Variants in STAM observed in about 807,000 individuals in gnomAD.
STAM encodes the protein signal transducing adapter molecule 1.
A neutral mutation model predicts 63.4 loss-of-function variants in STAM; 16 were observed. The ratio of observed to expected loss-of-function variants is 0.25; its 90% CI spans 0.17 to 0.38. STAM has a LOEUF of 0.38. Ranked by LOEUF, STAM falls within the 10% of genes least tolerant of loss-of-function variation. The pLI is 1.00. For synonymous variants in STAM, 238 were observed against 223.9 expected (o/e 1.06, Z -0.56); for missense variants, 636 against 657.1 (o/e 0.97, Z 0.35).
rs1283400694 is a variant in STAM, at chr10:17,716,313, A to AG, written c.*1536dup. On this transcript the variant is annotated 3_prime_UTR_variant, in exon 14 of 14. Transcript: ENST00000377524. The stretch of plus-strand genomic sequence containing the variant: ...ATTAAATCTTTAGCCAGTAATCTTA[A>AG]GGGTGACTAATTTCACAGACTCAGA... Among the ~76,000 whole-genome samples, 1 of 151,780 alleles carries AG rather than the reference A, an allele frequency of 6.6e-6. No individual in the cohort carries two copies. Among genetic ancestry groups the AG allele is most frequent in the Non-Finnish European group, 1.5e-5 (1 of 67,902 alleles).
chr10:17,712,724 C>T (rs1328153389), intron 13 of STAM, among the ~76,000 whole-genome samples: 2 of 152,244 alleles, frequency 1.3e-5, no homozygotes, highest in Non-Finnish European at 2.9e-5. Flanking sequence ...ACAGTGGAAA[C>T]GCATGTATTC....
chr10:17,670,187 G>A (rs556919825), intron 2 of STAM, among the ~76,000 whole-genome samples: 143 of 152,260 alleles, frequency 9.4e-4, no homozygotes, highest in African/African-American at 3.3e-3. Flanking sequence ...AATGGGATCC[G>A]ATGCGAGCTG....
intron 1 of STAM, among the ~76,000 whole-genome samples, chr10:17,658,367 GTGAATGCTGCA>G (rs1375295573): frequency 6.6e-6 from 1 of 152,096 alleles, no homozygotes; most frequent in Non-Finnish European, 1.5e-5. Flanking sequence ...GTCTGTCTTG[GTGAATGCTGCA>G]TGAGAGCTTG....
chr10:17,697,439 C>G (rs1337598365), intron 8 of STAM, among the ~76,000 whole-genome samples: 1 of 152,142 alleles, frequency 6.6e-6, no homozygotes, highest in Non-Finnish European at 1.5e-5. Context: ...CAGTGTTCTC[C>G]AAGCAACATG....
At position 17,715,770 on chromosome 10, in the gene STAM, G is replaced by C. The variant is rs530223350; in HGVS notation, c.*990G>C. The C allele has an allele frequency of 6.6e-6, 1 of 152,546 alleles. No individual in the cohort carries two copies. The highest frequency in any genetic ancestry group is 1.5e-5 in the Non-Finnish European group (1 of 68,004). The allele number at this position is 152,546 out of a possible 1,614,324, so 9.4% of individuals were successfully genotyped here. Reference sequence around the variant, plus strand: ...AAAACCTGAATTACACTACATTTTCGAAGTCTCTTGTAATTATTTGGGATA... The same window carrying C: ...AAAACCTGAATTACACTACATTTTCCAAGTCTCTTGTAATTATTTGGGATA... On this transcript the variant is annotated 3_prime_UTR_variant, in exon 14 of 14. Coordinates refer to ENST00000377524, the MANE Select transcript of STAM (RefSeq NM_003473.4).
intron 2 of STAM, among the ~76,000 whole-genome samples, chr10:17,665,446 T>C (rs2131591444): frequency 6.6e-6 from 1 of 152,294 alleles, no homozygotes. Context: ...TCCATTCTTT[T>C]ACACAAATGT....
Position 17,714,760 on chromosome 10 carries a change from T to C in STAM, c.1603T>C (p.Ser535Pro), listed in dbSNP as rs370852062. ...GCCACCTCAGCCACAGCAACCATAT[T>C]CTCAGAAGGCTCTGCTATAGGACCC... The part of the protein sequence containing the change: ...QQPPQPQQPY[S>P]QKALL The change falls in exon 14 of 14, where the codon TCT (serine) becomes CCT (proline). Residue 535 changes from serine (S) to proline (P), a missense_variant. Physicochemically the swap from Ser to Pro is moderately conservative, Grantham distance 74. This residue lies in a region of STAM where 532 missense variants were observed against 536.9 expected (regional missense o/e 0.99). Coordinates refer to ENST00000377524, the MANE Select transcript of STAM (RefSeq NM_003473.4). 1.2e-5 allele frequency: 20 copies of C among 1,613,814 alleles called. No homozygotes were observed. In the African/African-American group the frequency reaches 2.7e-4, roughly 22 times the overall value.
intron 2 of STAM, among the ~76,000 whole-genome samples, chr10:17,673,845 A>G (rs912735220): frequency 5.3e-5 from 8 of 152,228 alleles, no homozygotes; most frequent in Non-Finnish European, 8.8e-5. Context: ...CTATTATCTG[A>G]CAGATTTAGT....
chr10:17,697,284 A>G (rs777041570), intron 8 of STAM, among the ~76,000 whole-genome samples: 18 of 152,342 alleles, frequency 1.2e-4, no homozygotes, highest in South Asian at 4.1e-4. Context: ...ATGCAAATTC[A>G]TTAAGAAGTC....
chr10:17,670,250 A>T (rs573503142), intron 2 of STAM, among the ~76,000 whole-genome samples: 4 of 152,262 alleles, frequency 2.6e-5, no homozygotes, highest in African/African-American at 9.6e-5. Context: ...TATTTTACTA[A>T]GTCTTAAAAA....
Position 17,660,529 on chromosome 10 carries a change from G to A in STAM, c.106G>A (p.Val36Ile), listed in dbSNP as rs782722569. The A allele has an allele frequency of 3.4e-5, 54 of 1,605,158 alleles. No individual in the cohort carries two copies. The highest frequency in any genetic ancestry group is 4.6e-5 in the Non-Finnish European group (54 of 1,175,848). ...WGLILDICDK[V>I]GQSRTGPKDC... is the part of the protein sequence containing the mutation. ...CCTCATTTTGGATATCTGTGATAAA[G>A]TTGGTCAGTCTCGCACTGGGTAAGT... Residue 36 changes from valine to isoleucine, a missense_variant, in exon 2 of 14, where the codon GTT becomes ATT. Physicochemically the swap from Val to Ile is conservative, Grantham distance 29. Around this residue, in one of 3 missense-constraint regions of STAM, gnomAD observed 87 missense variants for 80.3 expected, o/e 1.08. Transcript: ENST00000377524.
chr10:17,705,665 A>T lies in STAM; in HGVS notation c.1133A>T (p.Asp378Val). 2 of 1,614,060 alleles carry T rather than the reference A, an allele frequency of 1.2e-6. No individual in the cohort carries two copies. The highest frequency in any genetic ancestry group is 1.7e-6 in the Non-Finnish European group (2 of 1,179,972). The change falls in exon 12 of 14, where the codon GAT becomes GTT. Residue 378 changes from aspartate (D) to valine (V), a missense_variant. This residue lies in a region of STAM where 532 missense variants were observed against 536.9 expected (regional missense o/e 0.99). Transcript: ENST00000377524. ...TTATATACCAAGTTAATGAACGAAG[A>T]TCCGATGTATTCCATGTATGCAAAG... is the stretch of plus-strand genomic sequence containing the variant. ...LSLYTKLMNE[D>V]PMYSMYAKLQ...
chr10:17,714,235 A>G (rs189002381), intron 13 of STAM, among the ~76,000 whole-genome samples: 4 of 152,156 alleles, frequency 2.6e-5, no homozygotes, highest in African/African-American at 9.6e-5. Flanking sequence ...CACTTGACAC[A>G]CGATACATGT....
intron 5 of STAM, among the ~76,000 whole-genome samples, chr10:17,690,903 GA>G (rs1835502328): frequency 1.3e-5 from 2 of 152,176 alleles, no homozygotes; most frequent in African/African-American, 4.8e-5. Context: ...CCTGATGATA[GA>G]AAGGAACTTT....
intron 2 of STAM, among the ~76,000 whole-genome samples, chr10:17,669,955 C>T (rs1188440586): frequency 2.1e-5 from 3 of 141,572 alleles, no homozygotes; most frequent in African/African-American, 8.0e-5. Flanking sequence ...TGGTCTCGAT[C>T]TCCTGACTTC....
intron 2 of STAM, among the ~76,000 whole-genome samples, chr10:17,661,989 A>T (rs1201933173): frequency 6.6e-6 from 1 of 152,156 alleles, no homozygotes; most frequent in Non-Finnish European, 1.5e-5. Context: ...TGTGTGTTAC[A>T]TATCGCGTTC....
intron 12 of STAM, among the ~76,000 whole-genome samples, chr10:17,707,333 C>G (rs1250217723): frequency 6.6e-6 from 1 of 151,996 alleles, no homozygotes; most frequent in East Asian, 1.9e-4. Flanking sequence ...TGGCATGAAC[C>G]CGGGAGGCGG....
chr10:17,674,754 G>A (rs2131610764), intron 2 of STAM, among the ~76,000 whole-genome samples: 1 of 152,294 alleles, frequency 6.6e-6, no homozygotes, highest in African/African-American at 2.4e-5. Flanking sequence ...GTAAGTTCAT[G>A]TCAAAGGAAT....
rs145656744 is a variant in STAM at position 17,687,339 on chromosome 10, G to A, written c.298-688G>A. On this transcript the variant is annotated intron_variant, in intron 4 of 13. Coordinates refer to ENST00000377524, the MANE Select transcript of STAM (RefSeq NM_003473.4). ...AAAGTACAAAAATTAGCTGGGCATG[G>A]TGGTGCGCGCCTGTAATCCTACTCG... is the stretch of plus-strand genomic sequence containing the variant. Among the ~76,000 whole-genome samples, 8 of 152,182 alleles carry A rather than the reference G, an allele frequency of 5.3e-5. No homozygotes were observed. The East Asian group carries it at 1.4e-3, about 26-fold the overall frequency.
Sources: allele counts gnomAD v4.1 joint callset (sites outside exome capture counted in the v4.1 genomes callset), GRCh38; gene constraint gnomAD v4.1.1; regional missense constraint gnomAD v4.1.1; transcripts MANE v1.5; gene names NCBI Gene and HGNC (gene_info 2026-07-23, HGNC 2026-07-21).